The following DPYD variants were observed in gnomAD, a reference collection of about 807,000 sequenced individuals.
DPYD encodes dihydropyrimidine dehydrogenase [NADP(+)].
Under a neutral mutation model 116.2 loss-of-function variants are expected in DPYD, and 109 were observed. The ratio of observed to expected loss-of-function variants is 0.94; its 90% CI spans 0.80 to 1.10. DPYD has a LOEUF of 1.10. Among genes scored for constraint, DPYD ranks in the 50% least tolerant of loss-of-function variants. The probability of loss-of-function intolerance (pLI) is 0.00; values close to 1 mark genes in which losing one functional copy is unlikely to be tolerated. For missense variants in DPYD, 1,302 were observed against 1,254.5 expected (o/e 1.04, Z -0.57); for synonymous variants, 440 against 432.0 (o/e 1.02, Z -0.23).
intron 8 of DPYD, among the ~76,000 whole-genome samples, chr1:97,613,106 T>C (rs1656050940): frequency 6.6e-6 from 1 of 152,028 alleles, no homozygotes; most frequent in Non-Finnish European, 1.5e-5. Context: ...TCTTTCCTTT[T>C]TTCTGCCCTT....
chr1:97,527,680 T>C (rs984606411), intron 12 of DPYD, among the ~76,000 whole-genome samples: 2 of 151,336 alleles, frequency 1.3e-5, no homozygotes, highest in Admixed American at 6.6e-5. Context: ...CATGGAATTA[T>C]AGCAGAGACA....
chr1:97,251,446 G>A (rs1235541727), intron 18 of DPYD, among the ~76,000 whole-genome samples: 2 of 150,388 alleles, frequency 1.3e-5, no homozygotes, highest in Non-Finnish European at 3.0e-5. Context: ...GAATCTGTGA[G>A]CTTATATTTT....
chr1:97,527,114 T>C (rs1193528779), intron 12 of DPYD, among the ~76,000 whole-genome samples: 2 of 151,826 alleles, frequency 1.3e-5, no homozygotes, highest in African/African-American at 2.4e-5. Context: ...TGTGTTGCTC[T>C]GTCGCCCAGG....
intron 14 of DPYD, among the ~76,000 whole-genome samples, chr1:97,388,269 T>C (rs1375469834): frequency 6.6e-6 from 1 of 152,086 alleles, no homozygotes; most frequent in East Asian, 1.9e-4. Flanking sequence ...TTATATTTAG[T>C]ATGTCTAGTA....
chr1:97,430,739 C>T (rs137987543), intron 14 of DPYD, among the ~76,000 whole-genome samples: 2,651 of 152,258 alleles, frequency 0.017, 39 homozygotes, highest in Non-Finnish European at 0.026. Context: ...GTCTTATATG[C>T]ACATAATTAC....
At chr1:97,331,545 T>G (rs1334957260) in intron 16 of DPYD, among the ~76,000 whole-genome samples, 1 of 152,154 alleles carries the variant, frequency 6.6e-6, no homozygotes, top group Non-Finnish European at 1.5e-5. Context: ...TCACCAATAG[T>G]TGAAACTGCA....
chr1:97,763,595 G>A lies in DPYD; in HGVS notation c.234-23116C>T, dbSNP rs148664365. Among the ~76,000 whole-genome samples the A allele has an allele frequency of 1.4e-3, 213 of 152,006 alleles. No individual in the cohort carries two copies. The East Asian group carries it at 0.019, about 13-fold the overall frequency. ...TCCAACAACATACTCTTGTTTCCTA[G>A]TCTAGTTTGTCATACACAGTAGGAA... On this transcript the variant is annotated intron_variant, in intron 3 of 22. Transcript: ENST00000370192.
chr1:97,626,952 G>C (rs2100783925), intron 8 of DPYD, among the ~76,000 whole-genome samples: 1 of 152,082 alleles, frequency 6.6e-6, no homozygotes, highest in East Asian at 1.9e-4. Flanking sequence ...GCCATAGACT[G>C]CGTGACTTAT....
chr1:97,643,842 C>T (rs1354784475), intron 8 of DPYD, among the ~76,000 whole-genome samples: 1 of 151,984 alleles, frequency 6.6e-6, no homozygotes, highest in East Asian at 1.9e-4. Context: ...AACAGAAAAC[C>T]GAACACTGCA....
intron 19 of DPYD, among the ~76,000 whole-genome samples, chr1:97,215,322 C>T (rs114436742): frequency 0.035 from 5,257 of 152,258 alleles, 161 homozygotes; most frequent in Admixed American, 0.061. Flanking sequence ...TTGAAGCATT[C>T]ATGAATAAGG....
chr1:97,450,466 A>T (rs1454213493), intron 13 of DPYD, among the ~76,000 whole-genome samples: 3 of 152,146 alleles, frequency 2.0e-5, no homozygotes, highest in Non-Finnish European at 4.4e-5. Context: ...ATAGCGCAAA[A>T]ATAAAAATAT....
intron 16 of DPYD, among the ~76,000 whole-genome samples, chr1:97,370,276 T>G (rs1255169283): frequency 6.6e-6 from 1 of 152,116 alleles, no homozygotes; most frequent in Non-Finnish European, 1.5e-5. Context: ...GGGACATGGA[T>G]GAAGCTGGAA....
chr1:97,203,793 C>CAA lies in DPYD; in HGVS notation c.2443-10547_2443-10546dup, dbSNP rs56819543. ...AATAACTAAGCAGACATTCACATTC[C>CAA]AAAAAAAAAAAAAAAAAAAAAAAAA... On this transcript the variant is annotated intron_variant, in intron 19 of 22. Transcript: ENST00000370192. 1.1e-3 allele frequency among the ~76,000 whole-genome samples: 74 copies of CAA among 65,686 alleles called. 2 individuals carry two copies. The highest frequency in any genetic ancestry group is 1.4e-3 in the East Asian group (3 of 2,142). The allele number at this position is 65,686 out of a possible 152,430, so 43.1% of individuals were successfully genotyped here. A position where few individuals can be genotyped will look rare whatever the true frequency, so the allele number is the denominator to read the frequency against.
At chr1:97,412,441 C>A (rs921138542) in intron 14 of DPYD, among the ~76,000 whole-genome samples, 1 of 152,096 alleles carries the variant, frequency 6.6e-6, no homozygotes, top group Admixed American at 6.5e-5. Flanking sequence ...ATCACATGAT[C>A]TTTGAAACTT....
intron 12 of DPYD, among the ~76,000 whole-genome samples, chr1:97,520,955 T>C (rs904487971): frequency 1.9e-4 from 29 of 152,178 alleles, no homozygotes; most frequent in African/African-American, 6.8e-4. Flanking sequence ...TATCTCTTTA[T>C]AGTAGAATGA....
intron 13 of DPYD, 63 bp downstream of exon 13, chr1:97,515,663 G>C (rs1648163961): frequency 1.4e-6 from 2 of 1,445,414 alleles, no homozygotes; most frequent in Non-Finnish European, 1.9e-6. Flanking sequence ...CCATTATAAT[G>C]TTTATACCTT....
At chr1:97,145,959 C>T (rs1760215) in intron 20 of DPYD, among the ~76,000 whole-genome samples, 142,461 of 152,062 alleles carry the variant, frequency 0.94, 66,865 homozygotes, top group East Asian at 1. Context: ...ATTGAGTCTA[C>T]TGAAGAATTC....
intron 18 of DPYD, among the ~76,000 whole-genome samples, chr1:97,299,855 C>G (rs1053020731): frequency 6.6e-6 from 1 of 151,948 alleles, no homozygotes; most frequent in East Asian, 1.9e-4. Context: ...CTGCACAGAC[C>G]AACGATGGCT....
intron 8 of DPYD, among the ~76,000 whole-genome samples, chr1:97,614,709 TA>T (rs1656158228): frequency 6.6e-6 from 1 of 151,988 alleles, no homozygotes; most frequent in Non-Finnish European, 1.5e-5. Flanking sequence ...ATATGTATTT[TA>T]AAATCTTTAA....
Sources: gnomAD v4.1 joint callset for allele counts (sites outside exome capture counted in the v4.1 genomes callset) on GRCh38, gnomAD v4.1.1 for gene constraint, MANE v1.5 for transcripts, NCBI Gene and HGNC (gene_info 2026-07-23, HGNC 2026-07-21) for gene names.